The following CSMD1 variants were observed in gnomAD, a reference collection of about 807,000 sequenced individuals.
CSMD1 encodes the protein CUB and Sushi multiple domains 1.
In CSMD1, 213 loss-of-function variants were observed where a neutral mutation model predicts 417.5. The observed-to-expected ratio is 0.51, with a 90% confidence interval of 0.46 to 0.57. CSMD1 has a LOEUF of 0.57. Ranked by LOEUF, CSMD1 falls within the 20% of genes least tolerant of loss-of-function variation. The probability of loss-of-function intolerance (pLI) is 0.00; values close to 1 mark genes in which losing one functional copy is unlikely to be tolerated. For missense variants in CSMD1, 6,923 were observed against 4,529.7 expected (o/e 1.53, Z -15.17); for synonymous variants, 2,862 against 1,736.8 (o/e 1.65, Z -16.11).
chr8:4,168,696 C>A (rs1400057873), intron 3 of CSMD1, among the ~76,000 whole-genome samples: 1 of 152,058 alleles, frequency 6.6e-6, no homozygotes, highest in Non-Finnish European at 1.5e-5. Flanking sequence ...GTTATTAATT[C>A]TTTTTTAAAA....
chr8:4,043,346 C>G (rs555945984), intron 3 of CSMD1, among the ~76,000 whole-genome samples: 2 of 152,076 alleles, frequency 1.3e-5, no homozygotes, highest in African/African-American at 2.4e-5. Context: ...ATGAGAAATA[C>G]AAAGCAAACT....
chr8:3,944,055 G>C (rs910225133), intron 5 of CSMD1, among the ~76,000 whole-genome samples: 1 of 152,022 alleles, frequency 6.6e-6, no homozygotes, highest in African/African-American at 2.4e-5. Context: ...TCTTGTTTTT[G>C]CTCTCAACTA....
At chr8:3,755,215 C>A (rs1479441132) in intron 5 of CSMD1, among the ~76,000 whole-genome samples, 1 of 152,168 alleles carries the variant, frequency 6.6e-6, no homozygotes, top group African/African-American at 2.4e-5. Context: ...GCTTCTGATA[C>A]AGGATTGCGT....
chr8:4,203,709 C>A (rs547612138), intron 3 of CSMD1, among the ~76,000 whole-genome samples: 1 of 152,092 alleles, frequency 6.6e-6, no homozygotes, highest in South Asian at 2.1e-4. Flanking sequence ...CAAACATACA[C>A]ACACATACAC....
At chr8:4,126,884 T>A (rs1005423833) in intron 3 of CSMD1, among the ~76,000 whole-genome samples, 1 of 152,120 alleles carries the variant, frequency 6.6e-6, no homozygotes, top group Non-Finnish European at 1.5e-5. Context: ...AGCATCTGTC[T>A]CCTGGGAATG....
intron 3 of CSMD1, among the ~76,000 whole-genome samples, chr8:4,183,401 G>T (rs957026616): frequency 3.9e-5 from 6 of 152,166 alleles, no homozygotes; most frequent in Admixed American, 6.5e-5. Context: ...TGATGTAAAA[G>T]CAACTCCATA....
chr8:3,870,376 A>G (rs1373298554), intron 5 of CSMD1, among the ~76,000 whole-genome samples: 2 of 152,142 alleles, frequency 1.3e-5, no homozygotes, highest in Non-Finnish European at 2.9e-5. Flanking sequence ...CCTTATGGAT[A>G]CCTCTTTTTT....
chr8:4,030,633 C>T (rs1298243738), intron 4 of CSMD1, among the ~76,000 whole-genome samples: 2 of 152,202 alleles, frequency 1.3e-5, no homozygotes, highest in Admixed American at 1.3e-4. Context: ...CTGACATGCC[C>T]TGGAGGCATT....
At chr8:4,156,616 G>A (rs562340523) in intron 3 of CSMD1, among the ~76,000 whole-genome samples, 8 of 152,028 alleles carry the variant, frequency 5.3e-5, no homozygotes, top group African/African-American at 1.9e-4. Context: ...AAAACAATGG[G>A]AAACAGTAGT....
chr8:3,499,954 G>T (rs534607850), intron 10 of CSMD1, among the ~76,000 whole-genome samples: 3 of 152,042 alleles, frequency 2.0e-5, no homozygotes, highest in East Asian at 1.9e-4. Flanking sequence ...CAGTCATGTG[G>T]GCTGCAGGTA....
At chr8:3,786,867 G>A (rs985264194) in intron 5 of CSMD1, among the ~76,000 whole-genome samples, 7 of 152,030 alleles carry the variant, frequency 4.6e-5, no homozygotes, top group Admixed American at 1.3e-4. Flanking sequence ...CATTATGAGG[G>A]CCACACCCTC....
chr8:3,030,340 G>A (rs1035989833), intron 50 of CSMD1, among the ~76,000 whole-genome samples: 3 of 151,896 alleles, frequency 2.0e-5, no homozygotes, highest in African/African-American at 7.3e-5. Context: ...TAATTACGAA[G>A]ATTTAGTAGC....
intron 1 of CSMD1, among the ~76,000 whole-genome samples, chr8:4,894,208 A>C (rs947972127): frequency 6.6e-6 from 1 of 152,094 alleles, no homozygotes. Flanking sequence ...GATATGCCCA[A>C]ACTTCATCCA....
At chr8:3,488,859 T>C (rs925562764) in intron 11 of CSMD1, among the ~76,000 whole-genome samples, 2 of 152,218 alleles carry the variant, frequency 1.3e-5, no homozygotes, top group African/African-American at 4.8e-5. Context: ...ATTGGGATCA[T>C]GTGATTCCAG....
intron 10 of CSMD1, among the ~76,000 whole-genome samples, chr8:3,565,740 T>C (rs1799677751): frequency 6.6e-6 from 1 of 152,242 alleles, no homozygotes; most frequent in Admixed American, 6.5e-5. Flanking sequence ...CTAGCAGTTG[T>C]TCATTAAGAA....
At chr8:3,047,274 A>G (rs542330736) in intron 50 of CSMD1, among the ~76,000 whole-genome samples, 122 of 151,350 alleles carry the variant, frequency 8.1e-4, no homozygotes, top group Non-Finnish European at 1.5e-3. Flanking sequence ...TTGCCAGGCC[A>G]AGTTCTCGCC....
chr8:4,410,047 T>A (rs763768145), intron 3 of CSMD1, among the ~76,000 whole-genome samples: 5 of 152,078 alleles, frequency 3.3e-5, no homozygotes, highest in African/African-American at 1.2e-4. Context: ...CTCTTGACCT[T>A]GTGATCCACA....
intron 2 of CSMD1, among the ~76,000 whole-genome samples, chr8:4,563,843 G>T (rs760540548): frequency 1.3e-5 from 2 of 152,128 alleles, no homozygotes; most frequent in Non-Finnish European, 2.9e-5. Context: ...AGAATATCTA[G>T]GATATCTGCT....
At chr8:4,348,089 G>A (rs191725557) in intron 3 of CSMD1, among the ~76,000 whole-genome samples, 24 of 152,242 alleles carry the variant, frequency 1.6e-4, no homozygotes, top group Admixed American at 3.9e-4. Context: ...CAGTGGCCCA[G>A]GAAAAGTGAA....
Sources: gnomAD v4.1 joint callset for allele counts (sites outside exome capture counted in the v4.1 genomes callset) on GRCh38, gnomAD v4.1.1 for gene constraint, MANE v1.5 for transcripts, NCBI Gene and HGNC (gene_info 2026-07-23, HGNC 2026-07-21) for gene names.